Variants in BCO1 observed in about 807,000 individuals in gnomAD.
BCO1 encodes beta-carotene oxygenase 1, also known as beta,beta-carotene 15,15'-dioxygenase.
A neutral mutation model predicts 56.3 loss-of-function variants in BCO1; 54 were observed. The observed-to-expected ratio is 0.96, with a 90% confidence interval of 0.77 to 1.20. The LOEUF is 1.20. Among genes scored for constraint, BCO1 ranks in the 50% most tolerant of loss-of-function variants. BCO1 has a pLI of 0.00. For missense variants in BCO1, 801 were observed against 690.9 expected, an observed-to-expected ratio of 1.16 and a Z score of -1.79; for synonymous variants, 318 against 266.1, an observed-to-expected ratio of 1.20 and a Z score of -1.90.
At chr16:81,241,156 A>G (rs1408166009) in intron 1 of BCO1, among the ~76,000 whole-genome samples, 3 of 152,100 alleles carry the variant, frequency 2.0e-5, no homozygotes, top group Non-Finnish European at 2.9e-5. Context: ...TTAAATAAAA[A>G]TACAAAAATT....
chr16:81,272,327 C>T (rs892746126), intron 7 of BCO1, among the ~76,000 whole-genome samples: 7 of 151,236 alleles, frequency 4.6e-5, no homozygotes, highest in African/African-American at 1.5e-4. Flanking sequence ...ACCGTGTTAG[C>T]CAGGATGGTC....
intron 2 of BCO1, among the ~76,000 whole-genome samples, chr16:81,249,408 C>A (rs939404215): frequency 3.3e-5 from 5 of 152,268 alleles, no homozygotes; most frequent in East Asian, 3.9e-4. Flanking sequence ...AGGCTCCCAC[C>A]ACCACGCCTG....
intron 9 of BCO1, among the ~76,000 whole-genome samples, chr16:81,287,063 G>C (rs1597377322): frequency 6.6e-6 from 1 of 151,286 alleles, no homozygotes; most frequent in East Asian, 2.0e-4. Context: ...CAACAGCCTG[G>C]AAACTCCGTC....
chr16:81,289,421 C>T (rs898048353), intron 10 of BCO1, among the ~76,000 whole-genome samples: 1 of 152,142 alleles, frequency 6.6e-6, no homozygotes, highest in Middle Eastern at 3.4e-3. Flanking sequence ...GTAGGCAGAT[C>T]GCTTGAGCCC....
intron 3 of BCO1, chr16:81,261,799 T>C: frequency 2.9e-6 from 1 of 339,720 alleles, no homozygotes; most frequent in Non-Finnish European, 5.8e-6. Context: ...TGGAGTGTAG[T>C]GGCGCCATCT....
At chr16:81,269,171 T>C (rs72628273) in intron 6 of BCO1, among the ~76,000 whole-genome samples, 3,541 of 148,992 alleles carry the variant, frequency 0.024, 195 homozygotes, top group East Asian at 0.21. Context: ...GAAAGCCATG[T>C]ATAAAATCCT....
intron 2 of BCO1, among the ~76,000 whole-genome samples, chr16:81,257,242 G>A (rs553402716): frequency 6.6e-6 from 1 of 152,132 alleles, no homozygotes; most frequent in South Asian, 2.1e-4. Flanking sequence ...ATGGATGTGG[G>A]TTTTTTGTTG....
At chr16:81,280,819 C>A (rs762688426) in intron 7 of BCO1, 38 bp from the exon 8 acceptor site, 142 of 1,428,586 alleles carry the variant, frequency 9.9e-5, no homozygotes, top group Non-Finnish European at 1.3e-4. Flanking sequence ...CTGGATTACA[C>A]GTTTTTATTT....
chr16:81,286,771 C>A (rs1908204782), intron 9 of BCO1, among the ~76,000 whole-genome samples: 1 of 151,874 alleles, frequency 6.6e-6, no homozygotes, highest in African/African-American at 2.4e-5. Flanking sequence ...GGCCAGAGGA[C>A]CCATGTTTAA....
intron 3 of BCO1, among the ~76,000 whole-genome samples, chr16:81,260,016 T>G (rs1285112810): frequency 1.3e-5 from 2 of 152,202 alleles, no homozygotes; most frequent in Non-Finnish European, 2.9e-5. Flanking sequence ...CCCTCCCACA[T>G]GGCTGGTGGG....
rs1162773567 is a variant in BCO1, at chr16:81,259,725, C to T, written c.243C>T (p.Thr81=). ...ACCTGAGAAGCGATACCTACAACAC[C>T]AATATTGAGGCAAACAGGATTGTGG... ...SKYLRSDTYN[T]NIEANRIVVS... is the part of the protein sequence containing the mutation. The change falls in exon 3 of 11, where the codon ACC becomes ACT. Residue 81 remains threonine (T), a synonymous_variant. Coordinates refer to ENST00000258168, the MANE Select transcript of BCO1 (RefSeq NM_017429.3). 2.3e-5 allele frequency: 37 copies of T among 1,614,032 alleles called. No homozygotes were observed. In the Admixed American group the frequency reaches 6.0e-4, roughly 26 times the overall value.
chr16:81,258,625 G>A (rs1040622081), intron 2 of BCO1, among the ~76,000 whole-genome samples: 1 of 152,190 alleles, frequency 6.6e-6, no homozygotes, highest in Non-Finnish European at 1.5e-5. Context: ...ACTGATTCTG[G>A]TCAGCACTCT....
At chr16:81,263,532 C>T (rs1043137243) in intron 4 of BCO1, 4 of 152,200 alleles carry the variant, frequency 2.6e-5, no homozygotes, top group Admixed American at 1.3e-4. Context: ...GTGAGGACTT[C>T]AACCTATCTT....
In BCO1 at chr16:81,262,306, C is replaced by T. The variant is rs116347061; in HGVS notation, c.471+23C>T. ...AAGGTATCAACACATATGTAACCAG[C>T]ATCACTTCCTGACTCAAGAAAGGGA... is the stretch of plus-strand genomic sequence containing the variant. On this transcript the variant is annotated intron_variant, in intron 4 of 10. Transcript: ENST00000258168. The T allele has an allele frequency of 2.9e-4, 459 of 1,606,774 alleles. 1 individual carries two copies. The African/African-American group carries it at 5.5e-3, about 19-fold the overall frequency.
At chr16:81,278,456 C>G (rs1907683834) in intron 7 of BCO1, among the ~76,000 whole-genome samples, 1 of 152,154 alleles carries the variant, frequency 6.6e-6, no homozygotes, top group African/African-American at 2.4e-5. Context: ...CTTGACAGCC[C>G]AAAGAAAAGC....
chr16:81,260,567 G>A (rs1906421728), intron 3 of BCO1, among the ~76,000 whole-genome samples: 1 of 152,074 alleles, frequency 6.6e-6, no homozygotes, highest in Admixed American at 6.6e-5. Context: ...GGAGTGCAAT[G>A]GCGCAATCTC....
intron 8 of BCO1, among the ~76,000 whole-genome samples, chr16:81,281,715 T>G (rs1201337305): frequency 6.6e-6 from 1 of 152,154 alleles, no homozygotes; most frequent in Non-Finnish European, 1.5e-5. Context: ...CTCCTCAATC[T>G]GGGCACCATC....
chr16:81,281,988 G>A (rs1185879041), intron 8 of BCO1, among the ~76,000 whole-genome samples: 1 of 152,246 alleles, frequency 6.6e-6, no homozygotes, highest in Non-Finnish European at 1.5e-5. Context: ...TGACACAAAG[G>A]CTGGCATAGA....
At chr16:81,283,140 G>A (rs1030357086) in intron 8 of BCO1, among the ~76,000 whole-genome samples, 17 of 152,084 alleles carry the variant, frequency 1.1e-4, no homozygotes, top group Admixed American at 3.3e-4. Context: ...AGAATGTTCC[G>A]AAGCTGCCTC....
Sources: allele counts gnomAD v4.1 joint callset (sites outside exome capture counted in the v4.1 genomes callset), GRCh38; gene constraint gnomAD v4.1.1; transcripts MANE v1.5; gene names NCBI Gene and HGNC (gene_info 2026-07-23, HGNC 2026-07-21).